Variants in ZNF618 observed in about 807,000 individuals in gnomAD.
The protein encoded by ZNF618 is zinc finger protein 618, also known as neural precursor cell expressed, developmentally down-regulated 10.
ZNF618 carries 34 observed loss-of-function variants against 103.0 expected under a neutral mutation model. The ratio of observed to expected loss-of-function variants is 0.33; its 90% confidence interval spans 0.25 to 0.44. The LOEUF is 0.44. Among genes scored for constraint, ZNF618 ranks in the 20% least tolerant of loss-of-function variants. The probability of loss-of-function intolerance (pLI) is 1.00; values close to 1 mark genes in which losing one functional copy is unlikely to be tolerated. For synonymous variants in ZNF618, 551 were observed against 542.2 expected (o/e 1.02, Z -0.23); for missense variants, 1,059 against 1,295.4 (o/e 0.82, Z 2.80).
At chr9:113,906,184 A>T (rs563029687) in intron 1 of ZNF618, among the ~76,000 whole-genome samples, 75 of 152,276 alleles carry the variant, frequency 4.9e-4, no homozygotes, top group African/African-American at 1.6e-3. Context: ...GACTCTGTGC[A>T]TTTCAAAGAT....
chr9:113,921,007 A>G (rs918702840), intron 1 of ZNF618, among the ~76,000 whole-genome samples: 5 of 152,236 alleles, frequency 3.3e-5, no homozygotes, highest in African/African-American at 7.2e-5. Flanking sequence ...TGCACGCTCC[A>G]TCAGGTTAGG....
chr9:113,956,383 C>T (rs1372378781), intron 1 of ZNF618, among the ~76,000 whole-genome samples: 1 of 152,152 alleles, frequency 6.6e-6, no homozygotes, highest in Non-Finnish European at 1.5e-5. Flanking sequence ...AACACATGGT[C>T]CCAGGCAGCC....
intron 1 of ZNF618, among the ~76,000 whole-genome samples, chr9:113,960,581 A>G (rs1283789482): frequency 2.0e-5 from 3 of 152,250 alleles, no homozygotes; most frequent in Non-Finnish European, 4.4e-5. Context: ...ACTGGACCTC[A>G]GAGAGCCAGG....
intron 1 of ZNF618, among the ~76,000 whole-genome samples, chr9:113,907,957 A>G (rs943902855): frequency 3.9e-5 from 6 of 152,132 alleles, no homozygotes; most frequent in African/African-American, 7.2e-5. Flanking sequence ...CCCTTTCTCA[A>G]GAGGTCAGCA....
At chr9:113,905,186 A>T (rs933166671) in intron 1 of ZNF618, among the ~76,000 whole-genome samples, 1 of 152,072 alleles carries the variant, frequency 6.6e-6, no homozygotes, top group Non-Finnish European at 1.5e-5. Context: ...CTTGTGCCTC[A>T]GCCTCCTATT....
In ZNF618 at chr9:114,055,278, AG is replaced by A. The variant is rs1846403190; in HGVS notation, c.*5114del. On this transcript the variant is annotated 3_prime_UTR_variant, in exon 15 of 15. Transcript: ENST00000374126. ...CTAGGACCTTCCCTCCCGCCCAGCC[AG>A]GGTGGGCGGCATCCTACGCGGTGAA... is the stretch of plus-strand genomic sequence containing the variant. The A allele has an allele frequency of 1.3e-5, 2 of 152,320 alleles. No individual in the cohort carries two copies. The highest frequency in any genetic ancestry group is 4.1e-4 in the South Asian group (2 of 4,830). 9.4% of individuals were successfully genotyped at this position (152,320 alleles called of 1,614,324 possible). A position where few individuals can be genotyped will look rare whatever the true frequency, so the allele number is the denominator to read the frequency against.
chr9:114,036,349 C>T lies in ZNF618; in HGVS notation c.1218C>T (p.Asn406=). ...GGATCCAGTTCCAGTTCTACAACAA[C>T]CTGTTGGAGCACATGCAGTCCCATG... ...ACGIQFQFYN[N]LLEHMQSHAA... is the part of the protein sequence containing the mutation. The change falls in exon 13 of 15, where the codon AAC becomes AAT. Residue 406 remains asparagine (N), a synonymous_variant. Coordinates refer to ENST00000374126, the MANE Select transcript of ZNF618 (RefSeq NM_001318042.2). 1.3e-6 allele frequency: 2 copies of T among 1,583,914 alleles called. No individual in the cohort carries two copies. Among genetic ancestry groups the T allele is most frequent in the Non-Finnish European group, 1.7e-6 (2 of 1,164,446 alleles).
chr9:114,006,358 C>T lies in ZNF618; in HGVS notation c.551-992C>T, dbSNP rs57503958. On this transcript the variant is annotated intron_variant, in intron 6 of 14. Coordinates refer to ENST00000374126, the MANE Select transcript of ZNF618 (RefSeq NM_001318042.2). ...TAGCTCTCCCTTCCCCTCCCCACAC[C>T]GGGCAGCCTTGAGCATATCACCAAG... 2.4e-3 allele frequency among the ~76,000 whole-genome samples: 367 copies of T among 152,340 alleles called. 2 individuals carry two copies. Among genetic ancestry groups the T allele is most frequent in the African/African-American group, 8.2e-3 (342 of 41,576 alleles).
intron 1 of ZNF618, among the ~76,000 whole-genome samples, chr9:113,957,669 T>C (rs1021237117): frequency 6.6e-6 from 1 of 152,184 alleles, no homozygotes; most frequent in African/African-American, 2.4e-5. Flanking sequence ...GGACAGCCTC[T>C]TCCCCTACTG....
At chr9:113,909,621 C>T (rs1005336499) in intron 1 of ZNF618, among the ~76,000 whole-genome samples, 7 of 152,116 alleles carry the variant, frequency 4.6e-5, no homozygotes, top group African/African-American at 7.2e-5. Context: ...TTGAAGGTGC[C>T]ACCGTCTCAG....
Position 113,950,552 on chromosome 9 carries a change from A to T in ZNF618, c.34-18565A>T, listed in dbSNP as rs946900223. ...TGAGCCCAGCCAGGCTTATGTGACG[A>T]GGCTGCCACAGGGAGACGTCTTGCG... is the stretch of plus-strand genomic sequence containing the variant. On this transcript the variant is annotated intron_variant, in intron 1 of 14. Coordinates refer to ENST00000374126, the MANE Select transcript of ZNF618 (RefSeq NM_001318042.2). 2.4e-4 allele frequency among the ~76,000 whole-genome samples: 37 copies of T among 152,160 alleles called. 1 individual carries two copies. The highest frequency in any genetic ancestry group is 8.8e-5 in the Non-Finnish European group (6 of 68,034).
At chr9:113,958,759 G>A (rs1053230910) in intron 1 of ZNF618, among the ~76,000 whole-genome samples, 8 of 152,164 alleles carry the variant, frequency 5.3e-5, no homozygotes, top group Non-Finnish European at 8.8e-5. Context: ...CCCTGGGAGG[G>A]AGACCAGGCT....
intron 1 of ZNF618, among the ~76,000 whole-genome samples, chr9:113,928,963 C>T (rs1261346693): frequency 1.3e-5 from 2 of 152,134 alleles, no homozygotes; most frequent in East Asian, 1.9e-4. Context: ...TCAGATAAGT[C>T]TGTGGTAAGG....
At chr9:114,017,370 TCTGA>T (rs1317582216) in intron 10 of ZNF618, among the ~76,000 whole-genome samples, 3 of 152,242 alleles carry the variant, frequency 2.0e-5, no homozygotes, top group Admixed American at 6.5e-5. Flanking sequence ...CATCTCCCAC[TCTGA>T]CTGGGAAAGG....
chr9:113,925,954 CTTCT>C (rs746454147), intron 1 of ZNF618, among the ~76,000 whole-genome samples: 3 of 151,996 alleles, frequency 2.0e-5, no homozygotes, highest in Non-Finnish European at 4.4e-5. Flanking sequence ...TTATTTATTC[CTTCT>C]TTAACACTGT....
intron 2 of ZNF618, among the ~76,000 whole-genome samples, chr9:113,987,150 A>G (rs1443361910): frequency 6.6e-6 from 1 of 152,170 alleles, no homozygotes; most frequent in Non-Finnish European, 1.5e-5. Context: ...ATTTCCCAGT[A>G]TGTGCAAGCC....
chr9:113,884,784 G>C (rs868758657), intron 1 of ZNF618, among the ~76,000 whole-genome samples: 4,167 of 145,102 alleles, frequency 0.029, 83 homozygotes, highest in Middle Eastern at 0.054. Flanking sequence ...CAGAGAGAGA[G>C]AGAGAGAGAG....
chr9:113,970,953 C>T (rs7871393), intron 2 of ZNF618, among the ~76,000 whole-genome samples: 2,125 of 142,236 alleles, frequency 0.015, 62 homozygotes, highest in African/African-American at 0.055. Flanking sequence ...GGGATGGGCA[C>T]ACTAGATGAG....
At chr9:113,916,367 C>T (rs926405586) in intron 1 of ZNF618, among the ~76,000 whole-genome samples, 3 of 152,248 alleles carry the variant, frequency 2.0e-5, no homozygotes, top group Non-Finnish European at 4.4e-5. Context: ...CTGTTTGTGC[C>T]TTCGTGGTCC....
Sources: allele counts gnomAD v4.1 joint callset (sites outside exome capture counted in the v4.1 genomes callset), GRCh38; gene constraint gnomAD v4.1.1; transcripts MANE v1.5; gene names NCBI Gene and HGNC (gene_info 2026-07-23, HGNC 2026-07-21).